DAB1: variants seen among roughly 807,000 people sequenced by gnomAD.
DAB1 encodes the protein disabled homolog 1.
Under a neutral mutation model 64.6 loss-of-function variants are expected in DAB1, and 15 were observed. The ratio of observed to expected loss-of-function variants is 0.23; its 90% CI spans 0.16 to 0.36. DAB1 has a LOEUF of 0.36. DAB1 is among the 10% of genes least tolerant of loss of function. The pLI, the probability that DAB1 is intolerant of heterozygous loss-of-function variation, is 1.00. For synonymous variants in DAB1, 235 were observed against 251.9 expected (o/e 0.93, Z 0.64); for missense variants, 596 against 706.7 (o/e 0.84, Z 1.78).
chr1:57,305,988 A>G (rs12564241), intron 1 of DAB1, among the ~76,000 whole-genome samples: 3,227 of 148,438 alleles, frequency 0.022, 154 homozygotes, highest in African/African-American at 0.076. Flanking sequence ...AAAAAAAAGA[A>G]AAAAGAAAAG....
At chr1:58,495,326 G>A (rs903206503) in intron 3 of DAB1, among the ~76,000 whole-genome samples, 10 of 152,008 alleles carry the variant, frequency 6.6e-5, no homozygotes, top group African/African-American at 2.4e-5. Flanking sequence ...GTTAAATGAC[G>A]AGTTAATGGG....
intron 4 of DAB1, among the ~76,000 whole-genome samples, chr1:58,304,801 C>T (rs931423659): frequency 2.0e-4 from 30 of 152,094 alleles, no homozygotes; most frequent in African/African-American, 6.8e-4. Context: ...GGGATTCTGA[C>T]GCAGCAGGAC....
intron 5 of DAB1, among the ~76,000 whole-genome samples, chr1:58,052,394 A>G (rs981461235): frequency 6.6e-6 from 1 of 152,016 alleles, no homozygotes; most frequent in African/African-American, 2.4e-5. Flanking sequence ...GTTCTGTTCC[A>G]TTGGTCTATA....
chr1:57,592,437 G>GA (rs374526960), intron 7 of DAB1, among the ~76,000 whole-genome samples: 2,235 of 148,892 alleles, frequency 0.015, 67 homozygotes, highest in African/African-American at 0.048. Flanking sequence ...AGGCCTCATA[G>GA]AAAAAAAAAA....
At chr1:57,583,902 A>C (rs964980107) in intron 7 of DAB1, among the ~76,000 whole-genome samples, 2 of 152,204 alleles carry the variant, frequency 1.3e-5, no homozygotes, top group African/African-American at 2.4e-5. Context: ...CTTACATGCC[A>C]TTGCGGCCTT....
chr1:57,261,705 C>G (rs777598763), intron 2 of DAB1, among the ~76,000 whole-genome samples: 1 of 152,190 alleles, frequency 6.6e-6, no homozygotes, highest in Non-Finnish European at 1.5e-5. Context: ...AAGTATCAGA[C>G]AGACCACATG....
At chr1:57,583,592 CT>C (rs1645342088) in intron 7 of DAB1, among the ~76,000 whole-genome samples, 1 of 151,996 alleles carries the variant, frequency 6.6e-6, no homozygotes, top group African/African-American at 2.4e-5. Context: ...GCCCAGTTTC[CT>C]CTTACATTAA....
In DAB1 at chr1:58,031,493, C is replaced by T. The variant is rs1010750026; in HGVS notation, n.387+119018G>A. 2.6e-5 allele frequency among the ~76,000 whole-genome samples: 4 copies of T among 152,196 alleles called. No homozygotes were observed. The East Asian group carries it at 5.8e-4, about 22-fold the overall frequency. On this transcript the variant is annotated intron_variant and non_coding_transcript_variant, in intron 5 of 20. Transcript: ENST00000485760. ...CAGTGAACAGGCATGAACGTTTAAC[C>T]GGAGAAGCAGCTGGAAACTCAGCTC...
intron 2 of DAB1, among the ~76,000 whole-genome samples, chr1:57,222,624 G>A (rs1666967631): frequency 6.6e-6 from 1 of 152,100 alleles, no homozygotes; most frequent in South Asian, 2.1e-4. Flanking sequence ...AGCCAGGCTG[G>A]GCCTTGTTCA....
chr1:57,431,515 A>G (rs529108241), intron 7 of DAB1, among the ~76,000 whole-genome samples: 11 of 152,312 alleles, frequency 7.2e-5, no homozygotes, highest in African/African-American at 2.6e-4. Flanking sequence ...TTCTTTCATG[A>G]TACCGGCCTT....
intron 4 of DAB1, among the ~76,000 whole-genome samples, chr1:58,226,644 T>C (rs1017426680): frequency 6.6e-6 from 1 of 152,224 alleles, no homozygotes. Context: ...GTAGCTGACA[T>C]TTATTGAATG....
chr1:57,952,713 G>T lies in DAB1; in HGVS notation n.388-68551C>A, dbSNP rs149413902. Among the ~76,000 whole-genome samples, 1,260 of 152,158 alleles carry T rather than the reference G, an allele frequency of 8.3e-3. 9 individuals carry two copies. Among genetic ancestry groups the T allele is most frequent in the Middle Eastern group, 0.041 (12 of 294 alleles). ...TGGAATAAAATGAAAGATAATCCATGGAAAAAAGCCAAGAAGACACATTCC... is the reference window on the plus strand; with the variant it reads ...TGGAATAAAATGAAAGATAATCCATTGAAAAAAGCCAAGAAGACACATTCC... On this transcript the variant is annotated intron_variant and non_coding_transcript_variant, in intron 5 of 20. Coordinates refer to the DAB1 transcript ENST00000485760.
intron 1 of DAB1, among the ~76,000 whole-genome samples, chr1:57,327,484 C>G (rs1032825448): frequency 1.3e-5 from 2 of 152,172 alleles, no homozygotes; most frequent in Non-Finnish European, 2.9e-5. Flanking sequence ...AGAAAACAAT[C>G]TGCCAATCCT....
chr1:57,069,529 G>T, intron 7 of DAB1, 104 bp from the exon 8 acceptor site: 1 of 896,004 alleles, frequency 1.1e-6, no homozygotes, highest in Non-Finnish European at 1.8e-6. Context: ...CATTAACGAA[G>T]CAGGCACAAG....
At chr1:57,683,574 A>C (rs1260575305) in intron 6 of DAB1, among the ~76,000 whole-genome samples, 1 of 152,216 alleles carries the variant, frequency 6.6e-6, no homozygotes, top group Non-Finnish European at 1.5e-5. Context: ...CCACAAATAA[A>C]GATCTTGTAC....
At chr1:57,575,361 G>T (rs1221409965) in intron 7 of DAB1, among the ~76,000 whole-genome samples, 1 of 152,272 alleles carries the variant, frequency 6.6e-6, no homozygotes, top group East Asian at 1.9e-4. Flanking sequence ...TGCATACATT[G>T]CTGTAGCAAA....
At chr1:58,114,272 A>C (rs1332342598) in intron 5 of DAB1, among the ~76,000 whole-genome samples, 2 of 152,138 alleles carry the variant, frequency 1.3e-5, no homozygotes, top group African/African-American at 4.8e-5. Context: ...AAAAAAGAAA[A>C]AAAGTTAATT....
intron 1 of DAB1, among the ~76,000 whole-genome samples, chr1:57,869,800 G>C (rs1463221317): frequency 6.6e-6 from 1 of 152,074 alleles, no homozygotes; most frequent in African/African-American, 2.4e-5. Flanking sequence ...GGAGGTCTGT[G>C]CTGCAAAGAG....
At chr1:57,885,765 A>T (rs1644213048), upstream of DAB1, among the ~76,000 whole-genome samples, 2 of 152,204 alleles carry the variant, frequency 1.3e-5, no homozygotes, top group African/African-American at 4.8e-5. Flanking sequence ...GCCTGAGTTC[A>T]AGTCCAAATT....
Sources: gnomAD v4.1 joint callset for allele counts (sites outside exome capture counted in the v4.1 genomes callset) on GRCh38, gnomAD v4.1.1 for gene constraint, MANE v1.5 for transcripts, NCBI Gene and HGNC (gene_info 2026-07-23, HGNC 2026-07-21) for gene names.